RGS3: variants seen among roughly 807,000 people sequenced by gnomAD.
RGS3 encodes the protein regulator of G-protein signalling 3.
Under a neutral mutation model 132.6 loss-of-function variants are expected in RGS3, and 80 were observed. That is an observed-to-expected ratio of 0.60 (90% CI 0.50 to 0.73). The LOEUF (loss-of-function observed/expected upper bound fraction) is 0.73, where lower values mean the gene tolerates loss of function less well. RGS3 is among the 30% of genes least tolerant of loss of function. The probability of loss-of-function intolerance (pLI) is 0.00; values close to 1 mark genes in which losing one functional copy is unlikely to be tolerated. For missense variants in RGS3, 1,382 were observed against 1,530.8 expected, an observed-to-expected ratio of 0.90 and a Z score of 1.62; for synonymous variants, 598 against 620.6, an observed-to-expected ratio of 0.96 and a Z score of 0.54.
chr9:113,565,713 C>T lies in RGS3; in HGVS notation c.2038-17737C>T. ...GCGGCAGCCAGGAGTCGCCTGGGTC[C>T]CTGCTGGAGTATGCTGGGTAGGTAC... is the stretch of plus-strand genomic sequence containing the variant. On this transcript the variant is annotated intron_variant, in intron 19 of 24. Coordinates refer to ENST00000350696, the Ensembl canonical transcript of RGS3. This position sits in a 1 kb window ranked among gnomAD's most constrained non-coding sequence, Gnocchi z 5.7. 3.8e-6 allele frequency: 1 copy of T among 266,018 alleles called. No homozygotes were observed. The highest frequency in any genetic ancestry group is 3.6e-5 in the South Asian group (1 of 27,606). 16.5% of individuals were successfully genotyped at this position (266,018 alleles called of 1,614,324 possible). A position where few individuals can be genotyped will look rare whatever the true frequency, so the allele number is the denominator to read the frequency against.
chr9:113,460,465 G>A (rs1829448249), intron 1 of RGS3: 1 of 159,100 alleles, frequency 6.3e-6, no homozygotes, highest in Admixed American at 6.5e-5. Flanking sequence ...AGCTTTCAGT[G>A]AGCCGAGATT....
chr9:113,568,625 C>A (rs1588264793), intron 19 of RGS3, among the ~76,000 whole-genome samples: 1 of 152,244 alleles, frequency 6.6e-6, no homozygotes, highest in African/African-American at 2.4e-5. Flanking sequence ...TGGGCAGGAG[C>A]CTTCGCATGC....
intron 19 of RGS3, among the ~76,000 whole-genome samples, chr9:113,550,944 A>G (rs1172557574): frequency 3.3e-5 from 5 of 152,110 alleles, no homozygotes; most frequent in Admixed American, 1.3e-4. Context: ...CATATCTATC[A>G]TTTGTTTTAG....
chr9:113,529,119 C>A, intron 17 of RGS3, 102 bp from the exon 16 acceptor site: 2 of 882,398 alleles, frequency 2.3e-6, no homozygotes, highest in Non-Finnish European at 1.9e-6. Context: ...CCAGGAGGTG[C>A]CACACACAGC....
chr9:113,522,816 T>G (rs1588197642), intron 16 of RGS3, 114 bp from the exon 15 acceptor site: 5 of 754,700 alleles, frequency 6.6e-6, no homozygotes, highest in South Asian at 2.9e-5. Context: ...TGTGAGATGA[T>G]GAGGATGCAT....
At chr9:113,592,307 A>T (rs1286467291) in intron 21 of RGS3, 3 of 152,208 alleles carry the variant, frequency 2.0e-5, no homozygotes, top group African/African-American at 7.2e-5. Flanking sequence ...TGCACCAACC[A>T]TCTTCACTTA....
At chr9:113,536,522 T>A in intron 18 of RGS3, 2 of 1,200,686 alleles carry the variant, frequency 1.7e-6, no homozygotes, top group Middle Eastern at 3.5e-4. Flanking sequence ...TGTCCTGCTC[T>A]CCACAGGCCT....
intron 7 of RGS3, among the ~76,000 whole-genome samples, chr9:113,487,647 G>A (rs1358507361): frequency 6.6e-6 from 1 of 152,180 alleles, no homozygotes; most frequent in Non-Finnish European, 1.5e-5. Flanking sequence ...AAGTAGAGAG[G>A]GAAGGGCAGG....
intron 1 of RGS3, chr9:113,461,661 A>G: frequency 6.3e-7 from 1 of 1,579,820 alleles, no homozygotes; most frequent in Non-Finnish European, 8.6e-7. Context: ...TGTTCCCATT[A>G]CCGGGTGTAA....
rs543978522 is a variant in RGS3 at position 113,558,131 on chromosome 9, A to T, written c.2037+21213A>T. Among the ~76,000 whole-genome samples the T allele has an allele frequency of 1.1e-4, 16 of 152,336 alleles. 1 individual carries two copies. In the East Asian group the frequency reaches 2.5e-3, roughly 24 times the overall value. ...GGATTGAGAGAGGTGAGAGATCCACAGGATGTATAGCAGGAGGGGTCTGCA... is the reference window on the plus strand; with the variant it reads ...GGATTGAGAGAGGTGAGAGATCCACTGGATGTATAGCAGGAGGGGTCTGCA... On this transcript the variant is annotated intron_variant, in intron 19 of 24. Coordinates refer to ENST00000350696, the Ensembl canonical transcript of RGS3.
At chr9:113,522,723 A>C in intron 16 of RGS3, 1 of 576,096 alleles carries the variant, frequency 1.7e-6, no homozygotes. Context: ...AAGTATAGGA[A>C]GCTGGAGGGT....
At chr9:113,585,486 G>A (rs749446582) in intron 20 of RGS3, among the ~76,000 whole-genome samples, 1 of 152,236 alleles carries the variant, frequency 6.6e-6, no homozygotes, top group Non-Finnish European at 1.5e-5. Flanking sequence ...GGCTAGGTGA[G>A]TAGGGGTGCT....
chr9:113,565,526 C>T lies in RGS3; in HGVS notation c.2038-17924C>T, dbSNP rs1438842031. On this transcript the variant is annotated intron_variant, in intron 19 of 24. Coordinates refer to ENST00000350696, the Ensembl canonical transcript of RGS3. The surrounding 1 kb of genome is among the most constrained non-coding windows in gnomAD (Gnocchi z 5.7). ...TCTGCTTTTCCTAGCAGGTATCGCT[C>T]CCCTGGGGAACTTGGGTAAGTCCAT... is the stretch of plus-strand genomic sequence containing the variant. 1.2e-5 allele frequency: 6 copies of T among 482,228 alleles called. No individual in the cohort carries two copies. The highest frequency in any genetic ancestry group is 7.7e-5 in the South Asian group (4 of 51,966). 29.9% of individuals were successfully genotyped at this position (482,228 alleles called of 1,614,324 possible).
chr9:113,584,960 G>A (rs1039636438), intron 20 of RGS3, among the ~76,000 whole-genome samples: 1 of 152,260 alleles, frequency 6.6e-6, no homozygotes, highest in Admixed American at 6.5e-5. Flanking sequence ...AGGTTACACA[G>A]TGTATCAGTG....
At chr9:113,470,839 C>T (rs545916562) in intron 3 of RGS3, among the ~76,000 whole-genome samples, 48 of 152,096 alleles carry the variant, frequency 3.2e-4, no homozygotes, top group Non-Finnish European at 3.4e-4. Flanking sequence ...ATGGTGTGCA[C>T]CTGTGGTCCT....
chr9:113,502,761 G>T (rs748998424), intron 10 of RGS3, among the ~76,000 whole-genome samples: 4 of 152,188 alleles, frequency 2.6e-5, no homozygotes, highest in Non-Finnish European at 4.4e-5. Flanking sequence ...AGTTCAAGAT[G>T]GTTTCTGTGT....
rs910459655 is a variant in RGS3 at position 113,565,033 on chromosome 9, G to A, written c.2038-18417G>A. Reference sequence around the variant, plus strand: ...GCCTGGGAGCCCTCAGGATGTGTGTGGGGTGGAGCCTGCTAGGGATCCCAG... The same window carrying A: ...GCCTGGGAGCCCTCAGGATGTGTGTAGGGTGGAGCCTGCTAGGGATCCCAG... On this transcript the variant is annotated intron_variant, in intron 19 of 24. Transcript: ENST00000350696. This position sits in a 1 kb window ranked among gnomAD's most constrained non-coding sequence, Gnocchi z 5.7. The A allele has an allele frequency of 3.6e-6, 4 of 1,118,260 alleles. No individual in the cohort carries two copies. The highest frequency in any genetic ancestry group is 4.4e-6 in the Non-Finnish European group (4 of 904,764). The allele number at this position is 1,118,260 out of a possible 1,614,324, so 69.3% of individuals were successfully genotyped here. A position where few individuals can be genotyped will look rare whatever the true frequency, so the allele number is the denominator to read the frequency against.
At chr9:113,497,260 G>C in intron 8 of RGS3, 54 bp from the exon 7 acceptor site, 1 of 1,426,000 alleles carries the variant, frequency 7.0e-7, no homozygotes, top group Non-Finnish European at 9.9e-7. Context: ...GTGGCTGCCT[G>C]ACCTGTGCTT....
In RGS3 at chr9:113,594,634, T is replaced by C. The variant is rs894046720; in HGVS notation, c.3182+103T>C. 9.1e-6 allele frequency: 9 copies of C among 986,392 alleles called. No individual in the cohort carries two copies. In the East Asian group the frequency reaches 1.8e-4, roughly 19 times the overall value. 61.1% of individuals were successfully genotyped at this position (986,392 alleles called of 1,614,324 possible). On this transcript the variant is annotated intron_variant, in intron 22 of 24. Coordinates refer to ENST00000350696, the Ensembl canonical transcript of RGS3. ...GAGGGGAAGGGGCTTGCCGGCTTGA[T>C]CCAGCTCTGGGGGAGACAGGCTTTC...
Sources: gnomAD v4.1 joint callset for allele counts (sites outside exome capture counted in the v4.1 genomes callset) on GRCh38, gnomAD v4.1.1 for gene constraint, Gnocchi (gnomAD v3.1) non-coding constraint, MANE v1.5 for transcripts, NCBI Gene and HGNC (gene_info 2026-07-23, HGNC 2026-07-21) for gene names.